Variants in RAD51B observed in about 807,000 individuals in gnomAD.
RAD51B encodes DNA repair protein RAD51 homolog 2.
A neutral mutation model predicts 42.2 loss-of-function variants in RAD51B; 38 were observed. The ratio of observed to expected loss-of-function variants is 0.90; its 90% confidence interval spans 0.70 to 1.18. The LOEUF (loss-of-function observed/expected upper bound fraction) is 1.18, where lower values mean the gene tolerates loss of function less well. RAD51B is among the 50% of genes most tolerant of loss of function. The probability of loss-of-function intolerance (pLI) is 0.00; values close to 1 mark genes in which losing one functional copy is unlikely to be tolerated. For missense variants in RAD51B, 373 were observed against 400.7 expected (o/e 0.93, Z 0.59); for synonymous variants, 154 against 145.2 (o/e 1.06, Z -0.43).
chr14:68,018,265 A>G (rs1054567809), intron 7 of RAD51B, among the ~76,000 whole-genome samples: 1 of 152,202 alleles, frequency 6.6e-6, no homozygotes, highest in Admixed American at 6.5e-5. Context: ...CCCCTTTTTA[A>G]TCAGTAATTG....
At chr14:68,167,939 A>C (rs60271256) in intron 7 of RAD51B, among the ~76,000 whole-genome samples, 2,178 of 152,248 alleles carry the variant, frequency 0.014, 53 homozygotes, top group African/African-American at 0.049. Context: ...AGCATATACA[A>C]TATAATTTGC....
intron 7 of RAD51B, among the ~76,000 whole-genome samples, chr14:67,964,598 A>C (rs2074732190): frequency 6.6e-6 from 1 of 152,192 alleles, no homozygotes; most frequent in African/African-American, 2.4e-5. Context: ...AGGTTTTTTA[A>C]CAGCAGTGAG....
chr14:68,150,365 T>A (rs965448951), intron 7 of RAD51B, among the ~76,000 whole-genome samples: 1 of 152,262 alleles, frequency 6.6e-6, no homozygotes, highest in African/African-American at 2.4e-5. Context: ...TGTTTGGATT[T>A]TGATTGAGAT....
At chr14:68,238,417 C>A (rs1384057556) in intron 7 of RAD51B, among the ~76,000 whole-genome samples, 1 of 152,172 alleles carries the variant, frequency 6.6e-6, no homozygotes, top group Non-Finnish European at 1.5e-5. Context: ...TCTCTCACCT[C>A]AGCCTCCCAA....
chr14:68,205,329 T>C (rs2079563432), intron 7 of RAD51B, among the ~76,000 whole-genome samples: 1 of 152,166 alleles, frequency 6.6e-6, no homozygotes, highest in Non-Finnish European at 1.5e-5. Flanking sequence ...TGATGAATTG[T>C]AGCAATAATT....
chr14:68,292,068 T>C (rs2081528535), intron 8 of RAD51B, 88 bp downstream of exon 8: 4 of 1,247,996 alleles, frequency 3.2e-6, no homozygotes, highest in South Asian at 1.2e-5. Flanking sequence ...CTGGGAGATA[T>C]GGCTAATAGG....
intron 7 of RAD51B, among the ~76,000 whole-genome samples, chr14:67,920,294 A>T (rs548035597): frequency 1.3e-5 from 2 of 152,086 alleles, no homozygotes; most frequent in East Asian, 3.9e-4. Flanking sequence ...TTCTTGTTGA[A>T]TTTTTTTCAA....
intron 4 of RAD51B, among the ~76,000 whole-genome samples, chr14:67,862,843 TA>T (rs1328025902): frequency 3.9e-5 from 6 of 152,134 alleles, no homozygotes; most frequent in Non-Finnish European, 5.9e-5. Flanking sequence ...ATAAATATTA[TA>T]AAATGATTTT....
chr14:68,550,082 C>A (rs1888454986), intron 10 of RAD51B, among the ~76,000 whole-genome samples: 5 of 152,222 alleles, frequency 3.3e-5, no homozygotes, highest in Admixed American at 3.3e-4. Context: ...CACCCCTCTG[C>A]AGGCAGGCTC....
At chr14:67,937,368 GT>G (rs2044992972) in intron 7 of RAD51B, among the ~76,000 whole-genome samples, 1 of 152,150 alleles carries the variant, frequency 6.6e-6, no homozygotes, top group Non-Finnish European at 1.5e-5. Flanking sequence ...GTTTCCTTTG[GT>G]GTCTCAGGTA....
rs59465805 is a variant in RAD51B at position 67,948,931 on chromosome 14, C to CAAAAAAA, written c.756+61748_756+61754dup. ...TGGGTGACAGAGTGAGACTCTGTCTCAAAAAAAAAAAAAAAAAAAAAAAAA... is the reference window on the plus strand; with the variant it reads ...TGGGTGACAGAGTGAGACTCTGTCTCAAAAAAAAAAAAAAAAAAAAAAAAAAAAAAAA... On this transcript the variant is annotated intron_variant, in intron 7 of 10. Coordinates refer to ENST00000471583, the MANE Select transcript of RAD51B (RefSeq NM_133510.4). 2.1e-3 allele frequency among the ~76,000 whole-genome samples: 35 copies of CAAAAAAA among 17,056 alleles called. 6 individuals are homozygous for CAAAAAAA. The highest frequency in any genetic ancestry group is 6.5e-3 in the African/African-American group (34 of 5,210). 11.2% of individuals were successfully genotyped at this position (17,056 alleles called of 152,430 possible). A position where few individuals can be genotyped will look rare whatever the true frequency, so the allele number is the denominator to read the frequency against.
intron 10 of RAD51B, among the ~76,000 whole-genome samples, chr14:68,610,232 T>A (rs191855258): frequency 6.6e-6 from 1 of 152,300 alleles, no homozygotes; most frequent in Admixed American, 6.5e-5. Context: ...ATTCTCTTCA[T>A]CTCTTTCTTC....
intron 7 of RAD51B, among the ~76,000 whole-genome samples, chr14:68,161,953 G>T (rs2078648343): frequency 6.6e-6 from 1 of 152,140 alleles, no homozygotes; most frequent in Admixed American, 6.5e-5. Context: ...AGGTGAGTGT[G>T]GTGCTACTGT....
chr14:68,211,366 A>T (rs2079704146), intron 7 of RAD51B, among the ~76,000 whole-genome samples: 1 of 152,164 alleles, frequency 6.6e-6, no homozygotes, highest in African/African-American at 2.4e-5. Context: ...CAATGTTTGG[A>T]GAAGATAGAA....
chr14:68,441,536 CAT>C (rs2085289144), intron 9 of RAD51B, among the ~76,000 whole-genome samples: 1 of 74,774 alleles, frequency 1.3e-5, no homozygotes, highest in Non-Finnish European at 2.6e-5. Context: ...AGCAAGACTC[CAT>C]CTCAAAAAAA....
chr14:67,902,423 T>C (rs1382568824), intron 7 of RAD51B, among the ~76,000 whole-genome samples: 1 of 152,216 alleles, frequency 6.6e-6, no homozygotes, highest in East Asian at 1.9e-4. Context: ...TTTTTATCCT[T>C]AGTTATTTGA....
intron 7 of RAD51B, among the ~76,000 whole-genome samples, chr14:68,213,539 T>C (rs879634531): frequency 6.6e-6 from 1 of 152,266 alleles, no homozygotes; most frequent in East Asian, 1.9e-4. Context: ...GAAGCTTAGG[T>C]TGATAGCAAG....
intron 8 of RAD51B, among the ~76,000 whole-genome samples, chr14:68,300,995 C>G (rs1469456771): frequency 1.3e-5 from 2 of 152,174 alleles, no homozygotes; most frequent in Non-Finnish European, 2.9e-5. Context: ...AAATTACTCT[C>G]TACCCTCAGG....
At position 68,258,407 on chromosome 14, in the gene RAD51B, CCA is replaced by C. The variant is rs368278669; in HGVS notation, c.757-33453_757-33452del. Among the ~76,000 whole-genome samples, 1,397 of 146,572 alleles carry C rather than the reference CCA, an allele frequency of 9.5e-3. 8 individuals are homozygous for C. Among genetic ancestry groups the C allele is most frequent in the Non-Finnish European group, 0.015 (965 of 66,242 alleles). On this transcript the variant is annotated intron_variant, in intron 7 of 10. Transcript: ENST00000471583. ...GAGACCCTGTCTCTATACACACACA[CCA>C]CACACACACACACACACACACACTC...
Sources: gnomAD v4.1 joint callset for allele counts (sites outside exome capture counted in the v4.1 genomes callset) on GRCh38, gnomAD v4.1.1 for gene constraint, MANE v1.5 for transcripts, NCBI Gene and HGNC (gene_info 2026-07-23, HGNC 2026-07-21) for gene names.